ENTREP1: variants seen among roughly 807,000 people sequenced by gnomAD.
ENTREP1 encodes endosomal transmembrane epsin interactor 1.
At chr9:69,377,519 C>T in the ENTREP1 span, 7 of 1,606,138 alleles carry the variant, frequency 4.4e-6, no homozygotes, top group Non-Finnish European at 5.1e-6. Flanking sequence ...TTCCGCTGAG[C>T]CAGCCCATGG....
At chr9:69,324,779 C>T in the ENTREP1 span, 1 of 985,726 alleles carries the variant, frequency 1.0e-6, no homozygotes, top group South Asian at 4.7e-5. Flanking sequence ...GGCGGGCCCC[C>T]TTCTCACTAA....
the ENTREP1 span, among the ~76,000 whole-genome samples, chr9:69,366,130 T>G: frequency 6.6e-6 from 1 of 152,206 alleles, no homozygotes; most frequent in Non-Finnish European, 1.5e-5. Flanking sequence ...GCTCTACTAA[T>G]TGACATGCCC....
At chr9:69,338,734 A>G in the ENTREP1 span, among the ~76,000 whole-genome samples, 3 of 152,194 alleles carry the variant, frequency 2.0e-5, no homozygotes, top group Non-Finnish European at 4.4e-5. Flanking sequence ...GTTTCCATGT[A>G]TGAGGAGTCT....
At chr9:69,354,923 G>A in the ENTREP1 span, among the ~76,000 whole-genome samples, 10 of 152,018 alleles carry the variant, frequency 6.6e-5, no homozygotes, top group Non-Finnish European at 1.5e-4. Context: ...CCATTAAACC[G>A]TTCCCTCCTT....
chr9:69,346,845 G>A, the ENTREP1 span, among the ~76,000 whole-genome samples: 1 of 152,172 alleles, frequency 6.6e-6, no homozygotes, highest in Non-Finnish European at 1.5e-5. Flanking sequence ...TCCCAGCCTA[G>A]AAAAAGATTA....
chr9:69,340,585 G>T, the ENTREP1 span, among the ~76,000 whole-genome samples: 290 of 151,750 alleles, frequency 1.9e-3, 1 homozygote, highest in Non-Finnish European at 3.5e-3. Context: ...AAGCTAGGAA[G>T]TATGTGTGCA....
the ENTREP1 span, among the ~76,000 whole-genome samples, chr9:69,351,839 GTTTA>G: frequency 6.6e-6 from 1 of 152,036 alleles, no homozygotes; most frequent in Non-Finnish European, 1.5e-5. Flanking sequence ...TCACATTTCT[GTTTA>G]TTTGTCTTTT....
the ENTREP1 span, chr9:69,325,260 T>A: frequency 9.9e-7 from 1 of 1,014,852 alleles, no homozygotes; most frequent in Non-Finnish European, 1.1e-6. Flanking sequence ...CTCCGCGTCC[T>A]CTGCCCGCCG....
chr9:69,327,231 G>A, the ENTREP1 span, among the ~76,000 whole-genome samples: 1 of 152,014 alleles, frequency 6.6e-6, no homozygotes, highest in East Asian at 1.9e-4. Flanking sequence ...ATGAAAAAAC[G>A]CCACCCTGGT....
At chr9:69,376,092 A>G in the ENTREP1 span, among the ~76,000 whole-genome samples, 1,271 of 152,360 alleles carry the variant, frequency 8.3e-3, 16 homozygotes, top group African/African-American at 0.028. Flanking sequence ...ACTGTAAGAT[A>G]GTAAAAAATG....
the ENTREP1 span, among the ~76,000 whole-genome samples, chr9:69,367,402 A>T: frequency 6.6e-6 from 1 of 150,932 alleles, no homozygotes; most frequent in Non-Finnish European, 1.5e-5. Context: ...AATGTCATTG[A>T]TATTTTGATA....
chr9:69,325,152 G>GGCA, the ENTREP1 span: 14 of 1,037,214 alleles, frequency 1.3e-5, no homozygotes, highest in Non-Finnish European at 1.6e-5. Context: ...CGGCAGCGGC[G>GGCA]GCAGCAAGTG....
the ENTREP1 span, among the ~76,000 whole-genome samples, chr9:69,352,782 T>C: frequency 6.6e-6 from 1 of 152,294 alleles, no homozygotes; most frequent in East Asian, 1.9e-4. Flanking sequence ...TAGTGATTGA[T>C]AGGCTTCATT....
At chr9:69,338,490 C>A in the ENTREP1 span, among the ~76,000 whole-genome samples, 1 of 152,062 alleles carries the variant, frequency 6.6e-6, no homozygotes, top group African/African-American at 2.4e-5. Flanking sequence ...AGAAAGTATA[C>A]CTATTATGAC....
chr9:69,367,894 T>A, the ENTREP1 span, among the ~76,000 whole-genome samples: 1 of 142,340 alleles, frequency 7.0e-6, no homozygotes, highest in Admixed American at 7.3e-5. Flanking sequence ...CACATATATA[T>A]ATACATATAT....
the ENTREP1 span, among the ~76,000 whole-genome samples, chr9:69,375,080 C>T: frequency 6.6e-6 from 1 of 152,160 alleles, no homozygotes; most frequent in African/African-American, 2.4e-5. Context: ...GAATTTCACC[C>T]ATCTGGAAAA....
chr9:69,370,884 C>T, the ENTREP1 span, among the ~76,000 whole-genome samples: 1 of 152,160 alleles, frequency 6.6e-6, no homozygotes, highest in Non-Finnish European at 1.5e-5. Flanking sequence ...TAATCTCTAA[C>T]TTGTACTAAG....
the ENTREP1 span, among the ~76,000 whole-genome samples, chr9:69,376,780 G>T: frequency 2.0e-5 from 3 of 152,208 alleles, no homozygotes; most frequent in Non-Finnish European, 4.4e-5. Flanking sequence ...CACTCAAGGA[G>T]CCAGGACTGT....
the ENTREP1 span, among the ~76,000 whole-genome samples, chr9:69,347,560 G>A: frequency 1.3e-5 from 2 of 152,214 alleles, no homozygotes; most frequent in African/African-American, 2.4e-5. Flanking sequence ...AGAGAGAGAA[G>A]CTTACATTCA....
Sources: gnomAD v4.1 joint callset for allele counts (sites outside exome capture counted in the v4.1 genomes callset) on GRCh38, gnomAD v4.1.1 for gene constraint, MANE v1.5 for transcripts, NCBI Gene and HGNC (gene_info 2026-07-23, HGNC 2026-07-21) for gene names.